RFX3: variants seen among roughly 807,000 people sequenced by gnomAD.
RFX3 encodes the protein regulatory factor X3, also known as transcription factor RFX3.
In RFX3, 14 loss-of-function variants were observed where a neutral mutation model predicts 98.6. The observed-to-expected ratio is 0.14, with a 90% CI of 0.09 to 0.22. The LOEUF (loss-of-function observed/expected upper bound fraction) is 0.22, where lower values mean the gene tolerates loss of function less well. Ranked by LOEUF, RFX3 falls within the 10% of genes least tolerant of loss-of-function variation. The pLI is 1.00. For synonymous variants in RFX3, 383 were observed against 328.4 expected (o/e 1.17, Z -1.80); for missense variants, 639 against 926.9 (o/e 0.69, Z 4.03).
chr9:3,395,492 G>C lies in RFX3; in HGVS notation c.97C>G (p.Gln33Glu). ...CTTACCTGTTGTTGTACTGGTACTT[G>C]CTGTACCACCTGCGTAGGCACTGCT... The part of the protein sequence containing the change: ...QAAVPTQVVQ[Q>E]VPVQQQVQQV... Residue 33 changes from glutamine to glutamate, a missense_variant, in exon 2 of 17, where the codon CAA becomes GAA. By Grantham distance (29) the Gln-to-Glu change is conservative (BLOSUM62 2). Around this residue, in one of 9 missense-constraint regions of RFX3, gnomAD observed 210 missense variants for 197.7 expected, o/e 1.06. Coordinates refer to ENST00000617270, the MANE Select transcript of RFX3 (RefSeq NM_001282116.2). The C allele has an allele frequency of 6.2e-7, 1 of 1,613,902 alleles. No individual in the cohort carries two copies. The highest frequency in any genetic ancestry group is 1.3e-5 in the African/African-American group (1 of 75,058).
At chr9:3,431,832 A>G (rs1348354777) in intron 1 of RFX3, among the ~76,000 whole-genome samples, 1 of 152,148 alleles carries the variant, frequency 6.6e-6, no homozygotes, top group Non-Finnish European at 1.5e-5. Flanking sequence ...ATCGAGGAGA[A>G]AGCATATCTC....
chr9:3,455,361 A>C (rs1243828697), intron 1 of RFX3, among the ~76,000 whole-genome samples: 1 of 152,076 alleles, frequency 6.6e-6, no homozygotes, highest in Non-Finnish European at 1.5e-5. Context: ...AATTCAGGCA[A>C]GCCTTCCCTT....
chr9:3,422,644 G>A (rs1325242693), intron 1 of RFX3, among the ~76,000 whole-genome samples: 1 of 152,062 alleles, frequency 6.6e-6, no homozygotes, highest in East Asian at 1.9e-4. Flanking sequence ...AATAAGTCAG[G>A]CTTATTATTT....
chr9:3,278,662 T>A (rs760157610), intron 7 of RFX3, among the ~76,000 whole-genome samples: 1 of 151,830 alleles, frequency 6.6e-6, no homozygotes. Flanking sequence ...TACAAACTAA[T>A]GCTCAGCTTG....
At chr9:3,297,777 G>A (rs1296922352) in intron 5 of RFX3, among the ~76,000 whole-genome samples, 4 of 152,014 alleles carry the variant, frequency 2.6e-5, no homozygotes, top group Non-Finnish European at 4.4e-5. Flanking sequence ...TAGATTGTGA[G>A]AAGTACATAA....
intron 1 of RFX3, among the ~76,000 whole-genome samples, chr9:3,473,095 G>C (rs964487079): frequency 6.6e-6 from 1 of 152,142 alleles, no homozygotes; most frequent in Non-Finnish European, 1.5e-5. Context: ...CCAGAGTCTG[G>C]ATCGACTTAT....
chr9:3,414,799 T>G (rs1842792981), intron 1 of RFX3, among the ~76,000 whole-genome samples: 1 of 66,940 alleles, frequency 1.5e-5, no homozygotes, highest in Non-Finnish European at 3.7e-5. Flanking sequence ...TGAGTATATA[T>G]GAGTATATAT....
chr9:3,362,788 C>A (rs908373663), intron 2 of RFX3, among the ~76,000 whole-genome samples: 2 of 152,248 alleles, frequency 1.3e-5, no homozygotes, highest in South Asian at 4.1e-4. Flanking sequence ...TCCCTAGATG[C>A]CTACCATTTA....
intron 1 of RFX3, among the ~76,000 whole-genome samples, chr9:3,491,515 C>T (rs1850717030): frequency 6.6e-6 from 1 of 152,170 alleles, no homozygotes; most frequent in Non-Finnish European, 1.5e-5. Flanking sequence ...ATTCACCCTA[C>T]TCCATTACTT....
intron 3 of RFX3, among the ~76,000 whole-genome samples, chr9:3,337,935 T>C (rs529350202): frequency 2.3e-4 from 35 of 152,296 alleles, no homozygotes; most frequent in African/African-American, 7.2e-4. Context: ...TTCAACAAAG[T>C]GCATATATAT....
intron 2 of RFX3, among the ~76,000 whole-genome samples, chr9:3,387,778 G>A (rs150217780): frequency 8.5e-5 from 13 of 152,070 alleles, no homozygotes; most frequent in South Asian, 2.1e-4. Context: ...AGAGCAAACC[G>A]GAGAAAAATG....
At chr9:3,451,045 C>T (rs1297032776) in intron 1 of RFX3, among the ~76,000 whole-genome samples, 2 of 151,958 alleles carry the variant, frequency 1.3e-5, no homozygotes, top group African/African-American at 2.4e-5. Context: ...ATATAAAAGG[C>T]GAATCTGGAG....
At chr9:3,469,741 T>C (rs1229099977) in intron 1 of RFX3, among the ~76,000 whole-genome samples, 1 of 151,658 alleles carries the variant, frequency 6.6e-6, no homozygotes, top group Non-Finnish European at 1.5e-5. Flanking sequence ...AAACAGGACA[T>C]ATGACCCAAA....
At chr9:3,370,672 C>A (rs1564001145) in intron 2 of RFX3, among the ~76,000 whole-genome samples, 1 of 152,056 alleles carries the variant, frequency 6.6e-6, no homozygotes, top group African/African-American at 2.4e-5. Context: ...AAATTGATAT[C>A]TGTGCACTTT....
rs956239738 is a variant in RFX3, at chr9:3,394,899, T to C, written c.117+573A>G. The C allele has an allele frequency of 1.5e-5, 14 of 916,026 alleles. No homozygotes were observed. In the African/African-American group the frequency reaches 2.5e-4, roughly 16 times the overall value. 56.7% of individuals were successfully genotyped at this position (916,026 alleles called of 1,614,324 possible). A position where few individuals can be genotyped will look rare whatever the true frequency, so the allele number is the denominator to read the frequency against. ...CTGCCCTGCGTATGAATAAGACCTG[T>C]AGTAAATATCTGATGATGAATTCAC... On this transcript the variant is annotated intron_variant, in intron 2 of 16. Coordinates refer to ENST00000617270, the MANE Select transcript of RFX3 (RefSeq NM_001282116.2).
At chr9:3,347,997 G>A (rs1477128405) in intron 2 of RFX3, among the ~76,000 whole-genome samples, 2 of 152,152 alleles carry the variant, frequency 1.3e-5, no homozygotes, top group African/African-American at 2.4e-5. Flanking sequence ...TTTCCCTGAT[G>A]AGTCCAATCA....
chr9:3,291,687 T>A (rs35371536), intron 6 of RFX3, among the ~76,000 whole-genome samples: 29,835 of 152,050 alleles, frequency 0.2, 3,289 homozygotes, highest in South Asian at 0.3. Flanking sequence ...TAGCCATGAG[T>A]CTTGTGGTGG....
chr9:3,394,412 G>A (rs1408507848), intron 2 of RFX3, among the ~76,000 whole-genome samples: 1 of 152,170 alleles, frequency 6.6e-6, no homozygotes, highest in Non-Finnish European at 1.5e-5. Flanking sequence ...GCGGTGAGCC[G>A]AGATGATGCC....
At chr9:3,501,423 G>A (rs533369405) in intron 1 of RFX3, among the ~76,000 whole-genome samples, 3 of 151,848 alleles carry the variant, frequency 2.0e-5, no homozygotes, top group Admixed American at 6.6e-5. Context: ...AAATTACTCC[G>A]AGGGCCATAA....
Sources: gnomAD v4.1 joint callset for allele counts (sites outside exome capture counted in the v4.1 genomes callset) on GRCh38, gnomAD v4.1.1 for gene constraint, gnomAD v4.1.1 regional missense constraint, MANE v1.5 for transcripts, NCBI Gene and HGNC (gene_info 2026-07-23, HGNC 2026-07-21) for gene names.